The following SMARCAL1 variants were observed in gnomAD, a reference collection of about 807,000 sequenced individuals.
SMARCAL1 encodes the protein ATP-driven annealing helicase.
SMARCAL1 carries 58 observed loss-of-function variants against 94.5 expected under a neutral mutation model. That is an observed-to-expected ratio of 0.61 (90% CI 0.50 to 0.76). SMARCAL1 has a LOEUF of 0.76. Among genes scored for constraint, SMARCAL1 ranks in the 30% least tolerant of loss-of-function variants. The probability of loss-of-function intolerance (pLI) is 0.00; values close to 1 mark genes in which losing one functional copy is unlikely to be tolerated. For synonymous variants in SMARCAL1, 422 were observed against 455.1 expected, an observed-to-expected ratio of 0.93 and a Z score of 0.93; for missense variants, 1,051 against 1,177.9, an observed-to-expected ratio of 0.89 and a Z score of 1.58.
chr2:216,463,283 C>G (rs1225371748), intron 12 of SMARCAL1, among the ~76,000 whole-genome samples: 1 of 152,122 alleles, frequency 6.6e-6, no homozygotes, highest in Non-Finnish European at 1.5e-5. Flanking sequence ...TGTGCTGTAA[C>G]AAAATACTTT....
At chr2:216,419,881 C>T (rs1282024001) in intron 4 of SMARCAL1, among the ~76,000 whole-genome samples, 2 of 151,394 alleles carry the variant, frequency 1.3e-5, no homozygotes, top group African/African-American at 4.9e-5. Context: ...AATACGAAAA[C>T]TAACCGCATG....
Position 216,437,184 on chromosome 2 carries a change from C to A in SMARCAL1, c.1645-1236C>A, listed in dbSNP as rs115660270. 3.5e-3 allele frequency among the ~76,000 whole-genome samples: 527 copies of A among 152,306 alleles called. 5 individuals are homozygous for A. Among genetic ancestry groups the A allele is most frequent in the Middle Eastern group, 0.031 (9 of 294 alleles). On this transcript the variant is annotated intron_variant, in intron 9 of 17. Transcript: ENST00000357276. ...GTTCCAGTATTGGCACATTTTTACC[C>A]ATTGGTTGAAAGGGCCCATTCTCTT...
intron 14 of SMARCAL1, among the ~76,000 whole-genome samples, chr2:216,470,838 CAAAAAAAAAAAAA>C (rs55763206): frequency 2.1e-5 from 1 of 48,074 alleles, no homozygotes; most frequent in South Asian, 9.7e-4. Flanking sequence ...AAGAACATCT[CAAAAAAAAAAAAA>C]AAAAAAAAAA....
At chr2:216,449,034 G>C (rs1019067128) in intron 11 of SMARCAL1, among the ~76,000 whole-genome samples, 1 of 152,148 alleles carries the variant, frequency 6.6e-6, no homozygotes, top group African/African-American at 2.4e-5. Context: ...CTGGAGACTG[G>C]GAAGTTCAAG....
intron 10 of SMARCAL1, among the ~76,000 whole-genome samples, chr2:216,445,251 A>G (rs1475183771): frequency 6.6e-6 from 1 of 152,188 alleles, no homozygotes; most frequent in Non-Finnish European, 1.5e-5. Flanking sequence ...TGACATACAC[A>G]CATGTTGGGG....
rs1157521012 is a variant in SMARCAL1, at chr2:216,482,408, A to T, written c.2626-330A>T. ...GAAGTGAGATCTTGGGTGCTATTTC[A>T]GTATTGAAATAATGATTTGGAAAGT... On this transcript the variant is annotated intron_variant, in intron 17 of 17. Coordinates refer to ENST00000357276, the MANE Select transcript of SMARCAL1 (RefSeq NM_014140.4). The surrounding 1 kb of genome is among the most constrained non-coding windows in gnomAD (Gnocchi z 4.3). Among the ~76,000 whole-genome samples the T allele has an allele frequency of 1.3e-5, 2 of 152,258 alleles. No individual in the cohort carries two copies. The highest frequency in any genetic ancestry group is 4.8e-5 in the African/African-American group (2 of 41,476).
intron 13 of SMARCAL1, among the ~76,000 whole-genome samples, chr2:216,464,895 C>T (rs1321650213): frequency 1.3e-5 from 2 of 152,136 alleles, no homozygotes; most frequent in Non-Finnish European, 2.9e-5. Context: ...CCTGTAATCC[C>T]AGCACTTTGG....
At chr2:216,472,411 A>G (rs912328655) in intron 14 of SMARCAL1, among the ~76,000 whole-genome samples, 3 of 152,142 alleles carry the variant, frequency 2.0e-5, no homozygotes, top group African/African-American at 7.2e-5. Flanking sequence ...AAAAAGCCTG[A>G]TTAATATATA....
chr2:216,432,125 G>A (rs1005500077), intron 7 of SMARCAL1, among the ~76,000 whole-genome samples: 2 of 151,782 alleles, frequency 1.3e-5, no homozygotes, highest in African/African-American at 2.4e-5. Flanking sequence ...GGGTTCAAGC[G>A]ATTCTCCTGC....
At chr2:216,436,111 G>C (rs2106037936) in intron 9 of SMARCAL1, among the ~76,000 whole-genome samples, 1 of 152,296 alleles carries the variant, frequency 6.6e-6, no homozygotes, top group Admixed American at 6.5e-5. Context: ...TGGGATTACA[G>C]GCACTTGCCA....
intron 5 of SMARCAL1, among the ~76,000 whole-genome samples, chr2:216,421,526 T>G (rs756317307): frequency 2.1e-4 from 32 of 151,922 alleles, no homozygotes; most frequent in Non-Finnish European, 4.4e-4. Context: ...TCGAACTTCT[T>G]CGCCCACCTT....
rs568131335 is a variant in SMARCAL1 at position 216,450,970 on chromosome 2, G to A, written c.1976G>A (p.Arg659His). ...CTTTCCCAGCTGCCTGCCAAGCAGCGCAAGATAGTGGTGATTGCCCCAGGA... is the reference window on the plus strand; with the variant it reads ...CTTTCCCAGCTGCCTGCCAAGCAGCACAAGATAGTGGTGATTGCCCCAGGA... ...DVLSQLPAKQ[R>H]KIVVIAPGRI... Residue 659 changes from arginine to histidine, a missense_variant, in exon 12 of 18, where the codon CGC (arginine) becomes CAC (histidine). Coordinates refer to ENST00000357276, the MANE Select transcript of SMARCAL1 (RefSeq NM_014140.4). 1.6e-5 allele frequency: 26 copies of A among 1,614,198 alleles called. No homozygotes were observed. The highest frequency in any genetic ancestry group is 7.7e-5 in the South Asian group (7 of 91,078).
chr2:216,416,006 T>A, intron 3 of SMARCAL1: 1 of 465,332 alleles, frequency 2.1e-6, no homozygotes, highest in Admixed American at 3.2e-5. Context: ...ATTCTAGTCC[T>A]AACTCTGCCC....
chr2:216,421,599 A>G (rs1400260167), intron 5 of SMARCAL1, among the ~76,000 whole-genome samples: 1 of 152,110 alleles, frequency 6.6e-6, no homozygotes, highest in Non-Finnish European at 1.5e-5. Flanking sequence ...GTTTTGCTTT[A>G]GTTTTTCATG....
chr2:216,413,347 G>A (rs181733524), intron 1 of SMARCAL1, among the ~76,000 whole-genome samples: 7 of 152,134 alleles, frequency 4.6e-5, no homozygotes, highest in African/African-American at 1.4e-4. Context: ...TGTCCTGCCC[G>A]CTGCTTCTAA....
At chr2:216,468,191 T>C (rs1694875670) in intron 14 of SMARCAL1, 145 bp downstream of exon 14, 3 of 680,942 alleles carry the variant, frequency 4.4e-6, no homozygotes, top group Admixed American at 2.1e-5. Context: ...TTCTTGCTTG[T>C]AGAACCACAG....
chr2:216,458,701 T>C (rs1574472842), intron 12 of SMARCAL1, among the ~76,000 whole-genome samples: 1 of 152,146 alleles, frequency 6.6e-6, no homozygotes, highest in African/African-American at 2.4e-5. Context: ...TAAGAGCTAT[T>C]TATGACAAAC....
At chr2:216,424,741 G>A (rs979131013) in intron 6 of SMARCAL1, among the ~76,000 whole-genome samples, 2 of 152,208 alleles carry the variant, frequency 1.3e-5, no homozygotes, top group African/African-American at 4.8e-5. Flanking sequence ...TAAATATAAA[G>A]GAAGAGCCTT....
chr2:216,454,818 G>A (rs1418952542), intron 12 of SMARCAL1, among the ~76,000 whole-genome samples: 3 of 152,216 alleles, frequency 2.0e-5, no homozygotes, highest in African/African-American at 7.2e-5. Flanking sequence ...CTGAGGTACT[G>A]GGTTCATCTC....
Sources: gnomAD v4.1 joint callset for allele counts (sites outside exome capture counted in the v4.1 genomes callset) on GRCh38, gnomAD v4.1.1 for gene constraint, Gnocchi (gnomAD v3.1) non-coding constraint, MANE v1.5 for transcripts, NCBI Gene and HGNC (gene_info 2026-07-23, HGNC 2026-07-21) for gene names.